The following STAU2 variants were observed in gnomAD, a reference collection of about 807,000 sequenced individuals.
STAU2 encodes staufen double-stranded RNA binding protein 2.
Under a neutral mutation model 65.9 loss-of-function variants are expected in STAU2, and 20 were observed. The ratio of observed to expected loss-of-function variants is 0.30; its 90% confidence interval spans 0.21 to 0.44. The LOEUF is 0.44. STAU2 is among the 20% of genes least tolerant of loss of function. STAU2 has a pLI of 1.00. For synonymous variants in STAU2, 232 were observed against 233.9 expected (o/e 0.99, Z 0.07); for missense variants, 558 against 683.9 (o/e 0.82, Z 2.05).
At chr8:73,590,163 GAGA>G (rs1025378794) in intron 11 of STAU2, among the ~76,000 whole-genome samples, 35 of 150,606 alleles carry the variant, frequency 2.3e-4, no homozygotes, top group East Asian at 3.9e-4. Context: ...GGATAAGAAG[GAGA>G]AGAAGAAAAG....
intron 13 of STAU2, among the ~76,000 whole-genome samples, chr8:73,505,002 T>C (rs911628212): frequency 1.3e-5 from 2 of 152,172 alleles, no homozygotes; most frequent in Non-Finnish European, 2.9e-5. Flanking sequence ...TGGCTCATTG[T>C]TGTTCTTTCT....
intron 12 of STAU2, among the ~76,000 whole-genome samples, chr8:73,574,203 G>A (rs1055941776): frequency 3.9e-5 from 6 of 152,162 alleles, no homozygotes; most frequent in African/African-American, 1.4e-4. Flanking sequence ...AAACCACAAT[G>A]AGATACCATC....
chr8:73,509,452 A>G (rs1353116890), intron 13 of STAU2, among the ~76,000 whole-genome samples: 1 of 152,168 alleles, frequency 6.6e-6, no homozygotes, highest in Non-Finnish European at 1.5e-5. Flanking sequence ...TTTAAAAAAC[A>G]TTTTATTTTA....
chr8:73,675,373 A>G (rs1176096347), intron 5 of STAU2: 2 of 144,210 alleles, frequency 1.4e-5, no homozygotes, highest in Non-Finnish European at 3.0e-5. Flanking sequence ...ACATGTATAC[A>G]CACACACACA....
intron 6 of STAU2, among the ~76,000 whole-genome samples, chr8:73,626,357 C>T (rs1813638703): frequency 6.6e-6 from 1 of 152,146 alleles, no homozygotes; most frequent in East Asian, 1.9e-4. Flanking sequence ...ACCTGACAAG[C>T]CCTGAGTCAA....
chr8:73,487,059 T>C (rs1212610530), intron 13 of STAU2, among the ~76,000 whole-genome samples: 1 of 152,102 alleles, frequency 6.6e-6, no homozygotes, highest in Non-Finnish European at 1.5e-5. Context: ...CCTTTCTCAC[T>C]GGCCATTGAA....
In STAU2 at chr8:73,649,874, TATATATATATATA is replaced by T. The variant is rs1815718721; in HGVS notation, c.410+23220_410+23232del. Among the ~76,000 whole-genome samples the T allele has an allele frequency of 4.7e-4, 53 of 112,988 alleles. 1 individual carries two copies. In the South Asian group the frequency reaches 0.011, roughly 23 times the overall value. The allele number at this position is 112,988 out of a possible 152,430, so 74.1% of individuals were successfully genotyped here. A position where few individuals can be genotyped will look rare whatever the true frequency, so the allele number is the denominator to read the frequency against. ...TATATGTCTTCTATATAATTTTATA[TATATATATATATA>T]TATATATATATATATATATATGGTG... On this transcript the variant is annotated intron_variant, in intron 6 of 14. Transcript: ENST00000524300.
chr8:73,593,860 TACAC>T (rs1810991002), intron 11 of STAU2, among the ~76,000 whole-genome samples: 1 of 102,928 alleles, frequency 9.7e-6, no homozygotes, highest in African/African-American at 3.9e-5. Flanking sequence ...TTAATATATA[TACAC>T]AGACAGACAC....
chr8:73,675,797 T>C (rs1283836958), intron 5 of STAU2, among the ~76,000 whole-genome samples: 1 of 152,232 alleles, frequency 6.6e-6, no homozygotes, highest in African/African-American at 2.4e-5. Context: ...GATTAGCTCC[T>C]GGAGCTGTAA....
chr8:73,478,709 GCATTT>G (rs1433432372), intron 13 of STAU2, among the ~76,000 whole-genome samples: 6 of 152,052 alleles, frequency 3.9e-5, no homozygotes, highest in African/African-American at 1.4e-4. Flanking sequence ...CTCAATATAT[GCATTT>G]TGCATATTTC....
intron 5 of STAU2, among the ~76,000 whole-genome samples, chr8:73,687,284 A>ATAT (rs377642879): frequency 5.4e-4 from 10 of 18,550 alleles, no homozygotes; most frequent in Admixed American, 1.0e-3. Context: ...ACATTTATAA[A>ATAT]AATTTATATT....
intron 1 of STAU2, among the ~76,000 whole-genome samples, chr8:73,745,290 C>T (rs1807191880): frequency 6.6e-6 from 1 of 152,206 alleles, no homozygotes; most frequent in Non-Finnish European, 1.5e-5. Context: ...GAAAATCTGG[C>T]CATACTACAA....
intron 10 of STAU2, among the ~76,000 whole-genome samples, chr8:73,597,435 C>CT (rs910661985): frequency 4.8e-4 from 73 of 150,836 alleles, no homozygotes; most frequent in African/African-American, 1.8e-3. Flanking sequence ...AGGTGGATCA[C>CT]TTGAGGTCAG....
Position 73,709,098 on chromosome 8 carries a change from T to G in STAU2, c.48A>C (p.Leu16Phe). The change falls in exon 4 of 15, where the codon TTA (leucine) becomes TTC (phenylalanine). Residue 16 changes from leucine to phenylalanine, a missense_variant. Around this residue, in one of 3 missense-constraint regions of STAU2, gnomAD observed 112 missense variants for 114.2 expected, o/e 0.98. Transcript: ENST00000524300. ...EKTAMCLVNELARFNRVQPQY... is the reference protein window; with the variant it reads ...EKTAMCLVNEFARFNRVQPQY... ...GGGGTTGGACTCTATTGAAACGGGC[T>G]AACTCATTTACCAGACACATTGCAG... 6.5e-7 allele frequency: 1 copy of G among 1,534,004 alleles called. No homozygotes were observed. The highest frequency in any genetic ancestry group is 8.7e-7 in the Non-Finnish European group (1 of 1,145,110).
chr8:73,495,648 G>T (rs897626477), intron 13 of STAU2, among the ~76,000 whole-genome samples: 4 of 95,472 alleles, frequency 4.2e-5, no homozygotes, highest in Non-Finnish European at 6.0e-5. Flanking sequence ...TCTAAGGAAT[G>T]ATTCATAAAG....
At chr8:73,544,945 C>T (rs1806800962) in intron 13 of STAU2, among the ~76,000 whole-genome samples, 1 of 152,094 alleles carries the variant, frequency 6.6e-6, no homozygotes, top group South Asian at 2.1e-4. Context: ...TCCCCGAGTC[C>T]AAAGTTTAGC....
intron 13 of STAU2, chr8:73,527,576 G>T: frequency 1.6e-6 from 1 of 638,766 alleles, no homozygotes; most frequent in Non-Finnish European, 2.6e-6. Context: ...GATGGTGCTA[G>T]CAGATAATGT....
intron 13 of STAU2, among the ~76,000 whole-genome samples, chr8:73,491,865 ACTTATC>A (rs1821168753): frequency 6.6e-6 from 1 of 151,984 alleles, no homozygotes; most frequent in East Asian, 1.9e-4. Context: ...AGTACACTAA[ACTTATC>A]CTTAAGAAAT....
At chr8:73,567,495 A>G (rs758990658) in intron 12 of STAU2, among the ~76,000 whole-genome samples, 20 of 151,776 alleles carry the variant, frequency 1.3e-4, no homozygotes, top group Non-Finnish European at 2.5e-4. Flanking sequence ...CAACAAGAAA[A>G]CGATTAAAAA....
Sources: gnomAD v4.1 joint callset for allele counts (sites outside exome capture counted in the v4.1 genomes callset) on GRCh38, gnomAD v4.1.1 for gene constraint, gnomAD v4.1.1 regional missense constraint, MANE v1.5 for transcripts, NCBI Gene and HGNC (gene_info 2026-07-23, HGNC 2026-07-21) for gene names.